The following PSPC1 variants were observed in gnomAD, a reference collection of about 807,000 sequenced individuals.
The protein encoded by PSPC1 is paraspeckle component 1, also known as paraspeckle protein 1.
In PSPC1, 14 loss-of-function variants were observed where a neutral mutation model predicts 51.6. The ratio of observed to expected loss-of-function variants is 0.27; its 90% CI spans 0.18 to 0.42. The LOEUF is 0.42. PSPC1 is among the 10% of genes least tolerant of loss of function. The probability of loss-of-function intolerance (pLI) is 1.00; values close to 1 mark genes in which losing one functional copy is unlikely to be tolerated. For missense variants in PSPC1, 406 were observed against 701.1 expected, an observed-to-expected ratio of 0.58 and a Z score of 4.75; for synonymous variants, 193 against 231.9, an observed-to-expected ratio of 0.83 and a Z score of 1.53.
chr13:19,738,467 T>G (rs956673154), intron 5 of PSPC1, among the ~76,000 whole-genome samples: 1 of 152,128 alleles, frequency 6.6e-6, no homozygotes, highest in African/African-American at 2.4e-5. Flanking sequence ...CCTAATACAA[T>G]GTAAAGACTA....
intron 3 of PSPC1, among the ~76,000 whole-genome samples, chr13:19,758,373 T>G (rs932520373): frequency 3.9e-4 from 8 of 20,500 alleles, no homozygotes; most frequent in East Asian, 0.017. Context: ...TTATTCTAAG[T>G]GAAAAGGGAA....
chr13:19,736,941 TTTTG>T (rs1463370956), intron 5 of PSPC1: 6 of 152,136 alleles, frequency 3.9e-5, no homozygotes, highest in Non-Finnish European at 5.9e-5. Flanking sequence ...TTCCTATGTT[TTTTG>T]TTTGTTTGCT....
chr13:19,678,526 C>A (rs1876915402), intron 6 of PSPC1: 1 of 152,054 alleles, frequency 6.6e-6, no homozygotes. Context: ...GGTCCATGAT[C>A]CAAAAATATT....
At position 19,782,325 on chromosome 13, in the gene PSPC1, C is replaced by T. The variant is rs1224869916; in HGVS notation, c.372+61G>A. 5.9e-6 allele frequency: 9 copies of T among 1,518,008 alleles called. No individual in the cohort carries two copies. The highest frequency in any genetic ancestry group is 7.9e-6 in the Non-Finnish European group (9 of 1,136,092). 94.0% of individuals were successfully genotyped at this position (1,518,008 alleles called of 1,614,324 possible). On this transcript the variant is annotated intron_variant, in intron 1 of 8. Transcript: ENST00000338910. The surrounding 1 kb of genome is among the most constrained non-coding windows in gnomAD (Gnocchi z 4.5). ...CCTAGGACGAGGCTGGCCTCAGCCC[C>T]ACGACCCCGCGGCCACCCCGACAGT...
chr13:19,730,965 CAAAAAAAAA>C (rs56753561), intron 5 of PSPC1, among the ~76,000 whole-genome samples: 1 of 37,304 alleles, frequency 2.7e-5, no homozygotes, highest in African/African-American at 6.9e-5. Flanking sequence ...AACAAAAAAA[CAAAAAAAAA>C]AAAAACAGAA....
chr13:19,687,997 C>T (rs550392677), intron 6 of PSPC1, among the ~76,000 whole-genome samples: 33 of 151,966 alleles, frequency 2.2e-4, no homozygotes, highest in African/African-American at 6.0e-4. Flanking sequence ...CCACTCTGAT[C>T]GTATCTACTC....
At chr13:19,772,095 G>A (rs1392851788) in intron 2 of PSPC1, 147 bp downstream of exon 2, 11 of 858,956 alleles carry the variant, frequency 1.3e-5, no homozygotes, top group East Asian at 2.7e-5. Context: ...ACCAGTACAC[G>A]AAAATTTCTT....
At chr13:19,692,339 C>CT (rs1244161805) in intron 6 of PSPC1, among the ~76,000 whole-genome samples, 1 of 152,134 alleles carries the variant, frequency 6.6e-6, no homozygotes, top group Non-Finnish European at 1.5e-5. Flanking sequence ...CTAGTCTCAA[C>CT]TTGTGAGCTC....
chr13:19,759,799 T>C lies in PSPC1; in HGVS notation c.675-381A>G, dbSNP rs1445145686. On this transcript the variant is annotated intron_variant, in intron 2 of 8. Transcript: ENST00000338910. ...ACTGCTTGAACCCCAGAGGCAGAGG[T>C]TGAAGTGAGTCAAGATCGCATCACT... is the stretch of plus-strand genomic sequence containing the variant. Among the ~76,000 whole-genome samples the C allele has an allele frequency of 2.7e-5, 4 of 150,556 alleles. No individual in the cohort carries two copies. In the East Asian group the frequency reaches 5.9e-4, roughly 22 times the overall value.
chr13:19,769,892 T>C (rs1403925035), intron 2 of PSPC1, among the ~76,000 whole-genome samples: 6 of 152,204 alleles, frequency 3.9e-5, no homozygotes, highest in Non-Finnish European at 8.8e-5. Context: ...CAGTTTCTTA[T>C]ACAATTAAAC....
chr13:19,761,460 G>C (rs1036626878), intron 2 of PSPC1, among the ~76,000 whole-genome samples: 7 of 152,172 alleles, frequency 4.6e-5, no homozygotes, highest in African/African-American at 1.4e-4. Flanking sequence ...GCTTCAGAGA[G>C]AAAAAACTAA....
downstream of PSPC1, chr13:19,674,522 C>A (rs1876412383): frequency 2.0e-5 from 3 of 152,050 alleles, no homozygotes; most frequent in Admixed American, 1.3e-4. Flanking sequence ...GAAGCACCCT[C>A]CCAAACGAAG....
intron 6 of PSPC1, among the ~76,000 whole-genome samples, chr13:19,713,039 ATAT>A (rs1375807158): frequency 7.9e-5 from 12 of 152,338 alleles, no homozygotes; most frequent in Non-Finnish European, 1.0e-4. Context: ...AATCTATCAA[ATAT>A]TAATAAGAAT....
At chr13:19,678,669 T>C (rs1185279153) in intron 6 of PSPC1, 4 of 152,174 alleles carry the variant, frequency 2.6e-5, no homozygotes, top group African/African-American at 7.2e-5. Flanking sequence ...TAGACAAGAC[T>C]GCCTGCAAGT....
At chr13:19,717,746 G>A (rs1271031254) in intron 6 of PSPC1, among the ~76,000 whole-genome samples, 1 of 151,460 alleles carries the variant, frequency 6.6e-6, no homozygotes, top group East Asian at 1.9e-4. Context: ...GGGCATGGTG[G>A]TGCACCCCTG....
chr13:19,700,181 C>T (rs1403107147), downstream of PSPC1, among the ~76,000 whole-genome samples: 1 of 152,000 alleles, frequency 6.6e-6, no homozygotes, highest in Non-Finnish European at 1.5e-5. Context: ...ATTCACATTG[C>T]TATTTAGCAA....
chr13:19,711,554 C>G (rs1193698341), intron 6 of PSPC1, among the ~76,000 whole-genome samples: 1 of 146,680 alleles, frequency 6.8e-6, no homozygotes, highest in Non-Finnish European at 1.5e-5. Context: ...AGGAGAATTG[C>G]GGGAACCCAG....
intron 1 of PSPC1, among the ~76,000 whole-genome samples, chr13:19,774,818 A>G (rs138917111): frequency 2.8e-5 from 4 of 145,080 alleles, no homozygotes; most frequent in African/African-American, 5.0e-5. Flanking sequence ...AAAAAAAAAA[A>G]CAAAAAAAAA....
rs747691285 is a variant in PSPC1, at chr13:19,782,614, G to A, written c.144C>T (p.Pro48=). The part of the protein sequence containing the change: ...ALALAGEPAP[P]APAPPEDHPD... ...GGTGGTCCTCTGGAGGCGCGGGCGC[G>A]GGCGGTGCCGGCTCCCCGGCAAGAG... is the stretch of plus-strand genomic sequence containing the variant. Residue 48 remains proline, a synonymous_variant, in exon 1 of 9, where the codon CCC becomes CCT. Coordinates refer to ENST00000338910, the MANE Select transcript of PSPC1 (RefSeq NM_001354909.2). This position sits in a 1 kb window ranked among gnomAD's most constrained non-coding sequence, Gnocchi z 4.5. The A allele has an allele frequency of 1.3e-6, 2 of 1,578,272 alleles. No homozygotes were observed. Among genetic ancestry groups the A allele is most frequent in the African/African-American group, 1.4e-5 (1 of 71,232 alleles).
Sources: allele counts gnomAD v4.1 joint callset (sites outside exome capture counted in the v4.1 genomes callset), GRCh38; gene constraint gnomAD v4.1.1; non-coding constraint Gnocchi (gnomAD v3.1); transcripts MANE v1.5; gene names NCBI Gene and HGNC (gene_info 2026-07-23, HGNC 2026-07-21).